TP63: variants seen among roughly 807,000 people sequenced by gnomAD.
TP63 encodes the protein tumor protein 63.
In TP63, 17 loss-of-function variants were observed where a neutral mutation model predicts 82.8. That is an observed-to-expected ratio of 0.21 (90% confidence interval 0.14 to 0.31). The LOEUF is 0.31. Ranked by LOEUF, TP63 falls within the 10% of genes least tolerant of loss-of-function variation. TP63 has a pLI of 1.00. For synonymous variants in TP63, 330 were observed against 321.7 expected (o/e 1.03, Z -0.28); for missense variants, 648 against 895.3 (o/e 0.72, Z 3.52).
the TP63 span, among the ~76,000 whole-genome samples, chr3:189,621,241 T>C: frequency 6.6e-6 from 1 of 152,306 alleles, no homozygotes; most frequent in South Asian, 2.1e-4. Flanking sequence ...TTTCTTTCTT[T>C]TCCTTTGCCT....
chr3:189,844,183 T>C (rs1003161542), intron 4 of TP63: 14 of 385,780 alleles, frequency 3.6e-5, no homozygotes, highest in Non-Finnish European at 6.6e-5. Context: ...CTTTTTTTTT[T>C]TTCTTTGAGA....
chr3:189,748,619 G>A (rs1187227761), intron 3 of TP63, among the ~76,000 whole-genome samples: 3 of 146,994 alleles, frequency 2.0e-5, no homozygotes, highest in Admixed American at 6.9e-5. Context: ...GCTGCCCAAA[G>A]CAATCTATAG....
At position 189,758,893 on chromosome 3, in the gene TP63, G is replaced by C. The variant is rs181635038; in HGVS notation, c.324+20119G>C. Among the ~76,000 whole-genome samples, 466 of 152,238 alleles carry C rather than the reference G, an allele frequency of 3.1e-3. 3 individuals are homozygous for C. Among genetic ancestry groups the C allele is most frequent in the Non-Finnish European group, 3.5e-3 (238 of 67,998 alleles). On this transcript the variant is annotated intron_variant, in intron 3 of 13. Transcript: ENST00000264731. ...TAAGATCAGGATTTTGAACCAGACA[G>C]ACTTCTTATGAAAGCCAACACTCTT...
intron 1 of TP63, among the ~76,000 whole-genome samples, chr3:189,696,105 A>G (rs1356718227): frequency 3.3e-5 from 5 of 152,242 alleles, no homozygotes; most frequent in African/African-American, 4.8e-5. Context: ...ATAAAGTTCT[A>G]TGGGTCTTGA....
chr3:189,734,093 A>C (rs1362426244), intron 1 of TP63, among the ~76,000 whole-genome samples: 42 of 102,058 alleles, frequency 4.1e-4, no homozygotes, highest in African/African-American at 6.6e-4. Context: ...CTCTTTCTTT[A>C]CTTTCTCTTT....
At chr3:189,797,207 T>A (rs1453589761) in intron 3 of TP63, among the ~76,000 whole-genome samples, 2 of 152,100 alleles carry the variant, frequency 1.3e-5, no homozygotes, top group African/African-American at 4.8e-5. Flanking sequence ...AGCTGTGGTG[T>A]GTTGCCAGAG....
At chr3:189,807,343 T>C (rs927617056) in intron 3 of TP63, among the ~76,000 whole-genome samples, 2 of 152,252 alleles carry the variant, frequency 1.3e-5, no homozygotes, top group Non-Finnish European at 2.9e-5. Context: ...ACCTCTCCGA[T>C]AGTAATATAG....
At chr3:189,793,891 G>T (rs1457000970) in intron 3 of TP63, among the ~76,000 whole-genome samples, 1 of 152,018 alleles carries the variant, frequency 6.6e-6, no homozygotes, top group Non-Finnish European at 1.5e-5. Context: ...TAGCATTATT[G>T]TCCAGTGCCA....
At chr3:189,743,959 A>G (rs185742177) in intron 3 of TP63, among the ~76,000 whole-genome samples, 32 of 152,280 alleles carry the variant, frequency 2.1e-4, no homozygotes, top group Admixed American at 1.0e-3. Flanking sequence ...ACTCAACAGT[A>G]TTGCTCCAGA....
intron 1 of TP63, among the ~76,000 whole-genome samples, chr3:189,693,866 T>G (rs1717137663): frequency 6.6e-6 from 1 of 152,164 alleles, no homozygotes; most frequent in Non-Finnish European, 1.5e-5. Flanking sequence ...CCTCACAAGG[T>G]CGTTGTGAAG....
At position 189,672,664 on chromosome 3, in the gene TP63, A is replaced by AGAAGGAAGGAAGGAAGGAAGGAAGGAAG. The variant is rs71173301; in HGVS notation, c.62+41103_62+41130dup. On this transcript the variant is annotated intron_variant, in intron 1 of 13. Transcript: ENST00000264731. Reference sequence around the variant, plus strand: ...AGGGAGGGAGGGAGGAAGGAAGGAAAGAAGGAAGGAAGGAAGGAAGGAAGG... The same window carrying AGAAGGAAGGAAGGAAGGAAGGAAGGAAG: ...AGGGAGGGAGGGAGGAAGGAAGGAAAGAAGGAAGGAAGGAAGGAAGGAAGGAAGGAAGGAAGGAAGGAAGGAAGGAAGG... Among the ~76,000 whole-genome samples the AGAAGGAAGGAAGGAAGGAAGGAAGGAAG allele has an allele frequency of 2.1e-3, 254 of 118,658 alleles. 2 individuals carry two copies. Among genetic ancestry groups the AGAAGGAAGGAAGGAAGGAAGGAAGGAAG allele is most frequent in the East Asian group, 4.1e-3 (17 of 4,124 alleles). The allele number at this position is 118,658 out of a possible 152,430, so 77.8% of individuals were successfully genotyped here.
the TP63 span, among the ~76,000 whole-genome samples, chr3:189,603,669 A>G: frequency 7.5e-6 from 1 of 132,684 alleles, no homozygotes; most frequent in Non-Finnish European, 1.6e-5. Context: ...AAAAAAAAAA[A>G]AAAAAAAGAA....
intron 4 of TP63, among the ~76,000 whole-genome samples, chr3:189,855,831 G>C (rs369335891): frequency 6.6e-5 from 10 of 152,064 alleles, no homozygotes; most frequent in African/African-American, 2.4e-4. Flanking sequence ...CACATGTTTT[G>C]ACAATGATGA....
intron 1 of TP63, among the ~76,000 whole-genome samples, chr3:189,715,732 G>A (rs1241803648): frequency 1.3e-5 from 2 of 152,132 alleles, no homozygotes; most frequent in African/African-American, 2.4e-5. Flanking sequence ...TCTTATTGTG[G>A]AATAGTAAAG....
chr3:189,860,583 A>G (rs1716903312), intron 4 of TP63, among the ~76,000 whole-genome samples: 1 of 152,218 alleles, frequency 6.6e-6, no homozygotes, highest in African/African-American at 2.4e-5. Flanking sequence ...CAGCGCCTCT[A>G]GTTGCTGAAT....
At chr3:189,833,662 G>A (rs1488265590) in intron 4 of TP63, among the ~76,000 whole-genome samples, 1 of 139,656 alleles carries the variant, frequency 7.2e-6, no homozygotes, top group Non-Finnish European at 1.5e-5. Context: ...GTCAAGGGTA[G>A]CAATTTTCTC....
chr3:189,761,185 A>T (rs1252437064), intron 3 of TP63, among the ~76,000 whole-genome samples: 1 of 152,180 alleles, frequency 6.6e-6, no homozygotes, highest in Non-Finnish European at 1.5e-5. Flanking sequence ...CTTGTTACTT[A>T]TGCAAATTGC....
chr3:189,804,668 G>A (rs1726693709), intron 3 of TP63, among the ~76,000 whole-genome samples: 1 of 152,146 alleles, frequency 6.6e-6, no homozygotes, highest in South Asian at 2.1e-4. Flanking sequence ...AACTTCTGAA[G>A]AATGAATTTA....
intron 3 of TP63, among the ~76,000 whole-genome samples, chr3:189,792,191 A>C (rs1040091560): frequency 5.3e-5 from 8 of 151,912 alleles, no homozygotes; most frequent in African/African-American, 1.9e-4. Context: ...GGGAGCTGCT[A>C]ATTAACAGGA....
Sources: gnomAD v4.1 joint callset for allele counts (sites outside exome capture counted in the v4.1 genomes callset) on GRCh38, gnomAD v4.1.1 for gene constraint, MANE v1.5 for transcripts, NCBI Gene and HGNC (gene_info 2026-07-23, HGNC 2026-07-21) for gene names.